MUC7: variants seen among roughly 807,000 people sequenced by gnomAD.
MUC7 encodes mucin 7, secreted, also known as mucin-7.
MUC7 carries 2 observed loss-of-function variants against 2.5 expected under a neutral mutation model. The ratio of observed to expected loss-of-function variants is 0.81; its 90% CI spans 0.33 to 2.55. The LOEUF is 2.55. MUC7 is among the 30% of genes most tolerant of loss of function. The pLI, the probability that MUC7 is intolerant of heterozygous loss-of-function variation, is 0.11. For synonymous variants in MUC7, 133 were observed against 173.4 expected, an observed-to-expected ratio of 0.77 and a Z score of 1.83; for missense variants, 408 against 455.6, an observed-to-expected ratio of 0.90 and a Z score of 0.95.
At chr4:70,440,719 A>T (rs1733980418) in intron 1 of MUC7, among the ~76,000 whole-genome samples, 2 of 152,220 alleles carry the variant, frequency 1.3e-5, no homozygotes, top group Non-Finnish European at 2.9e-5. Context: ...AAATATGTAT[A>T]TCTATTGGAC....
At chr4:70,447,607 T>C (rs190206168) in intron 1 of MUC7, among the ~76,000 whole-genome samples, 254 of 152,306 alleles carry the variant, frequency 1.7e-3, no homozygotes, top group Non-Finnish European at 3.1e-3. Context: ...ATTTTAAAAT[T>C]CTTTACATTA....
At chr4:70,431,889 C>T (rs970793871) in intron 1 of MUC7, among the ~76,000 whole-genome samples, 1 of 151,972 alleles carries the variant, frequency 6.6e-6, no homozygotes, top group Non-Finnish European at 1.5e-5. Flanking sequence ...TAATGCTATC[C>T]CTCCCCTCTG....
At position 70,481,044 on chromosome 4, in the gene MUC7, G is replaced by C. The variant is rs1577918334; in HGVS notation, c.300G>C (p.Val100=). The C allele has an allele frequency of 1.9e-6, 3 of 1,614,070 alleles. No individual in the cohort carries two copies. The African/African-American group carries it at 4.0e-5, about 22-fold the overall frequency. ...PPKHPDKNSS[V]VNPTLVATTQ... is the part of the protein sequence containing the mutation. ...AACATCCAGATAAAAATAGCAGTGT[G>C]GTCAACCCTACCTTAGTGGCTACAA... Residue 100 remains valine, a synonymous_variant, in exon 3 of 3, where the codon GTG becomes GTC. Coordinates refer to ENST00000304887, the MANE Select transcript of MUC7 (RefSeq NM_152291.3).
At chr4:70,456,106 T>C (rs1734403550) in intron 1 of MUC7, among the ~76,000 whole-genome samples, 1 of 152,194 alleles carries the variant, frequency 6.6e-6, no homozygotes, top group Non-Finnish European at 1.5e-5. Context: ...CCTGTCTTTT[T>C]CTCAGCCCTC....
chr4:70,430,644 T>G (rs1164794773), exon 1 of MUC7: 1 of 152,110 alleles, frequency 6.6e-6, no homozygotes, highest in African/African-American at 2.4e-5. Context: ...AGAATTCAAC[T>G]GACAAGTAGT....
intron 2 of MUC7, 22 bp downstream of exon 2, chr4:70,474,097 T>G: frequency 6.2e-7 from 1 of 1,606,844 alleles, no homozygotes; most frequent in Non-Finnish European, 8.5e-7. Context: ...CCCAAATAAG[T>G]TTTTTCCTTA....
rs1735218103 is a variant in MUC7 at position 70,482,133 on chromosome 4, G to A, written c.*255G>A. On this transcript the variant is annotated 3_prime_UTR_variant, in exon 3 of 3. Coordinates refer to ENST00000304887, the MANE Select transcript of MUC7 (RefSeq NM_152291.3). ...GATCCTACAGAGATAGCCTACTGAG[G>A]GCAAAGAAAGTCCTTAGATAAAGAG... The A allele has an allele frequency of 2.1e-6, 1 of 469,748 alleles. No homozygotes were observed. The highest frequency in any genetic ancestry group is 3.7e-5 in the East Asian group (1 of 27,016). 29.1% of individuals were successfully genotyped at this position (469,748 alleles called of 1,614,324 possible).
At chr4:70,442,483 T>C (rs898496974) in intron 1 of MUC7, among the ~76,000 whole-genome samples, 11 of 152,144 alleles carry the variant, frequency 7.2e-5, no homozygotes, top group African/African-American at 2.7e-4. Context: ...CAAATGTGTA[T>C]ACTCCAGGCC....
Position 70,472,298 on chromosome 4 carries a change from G to T in MUC7, c.-16+7G>T, listed in dbSNP as rs1415287615. 1 of 152,100 alleles carries T rather than the reference G, an allele frequency of 6.6e-6. No homozygotes were observed. Among genetic ancestry groups the T allele is most frequent in the African/African-American group, 2.4e-5 (1 of 41,416 alleles). The allele number at this position is 152,100 out of a possible 1,614,324, so 9.4% of individuals were successfully genotyped here. A position where few individuals can be genotyped will look rare whatever the true frequency, so the allele number is the denominator to read the frequency against. ...AAGATTCACACTGCACCAGGTATGT[G>T]GATACTTTAGATAGGTTCTAATATA... On this transcript the variant is annotated splice_region_variant and intron_variant, in intron 1 of 2. Coordinates refer to ENST00000304887, the MANE Select transcript of MUC7 (RefSeq NM_152291.3).
chr4:70,435,730 T>C (rs1446814756), intron 1 of MUC7, among the ~76,000 whole-genome samples: 1 of 152,250 alleles, frequency 6.6e-6, no homozygotes, highest in African/African-American at 2.4e-5. Context: ...ATGTGTGAAT[T>C]TGATCCTGTC....
chr4:70,453,821 G>A (rs1734351522), intron 1 of MUC7, among the ~76,000 whole-genome samples: 1 of 152,036 alleles, frequency 6.6e-6, no homozygotes, highest in African/African-American at 2.4e-5. Flanking sequence ...TATTGCTGCT[G>A]GTTATTCAGG....
intron 1 of MUC7, among the ~76,000 whole-genome samples, chr4:70,452,296 T>C (rs1734298716): frequency 6.6e-6 from 1 of 152,140 alleles, no homozygotes; most frequent in Non-Finnish European, 1.5e-5. Flanking sequence ...GCCATTTTGT[T>C]GTTTTCTGGT....
chr4:70,459,465 G>C (rs923243205), intron 1 of MUC7, among the ~76,000 whole-genome samples: 12 of 152,088 alleles, frequency 7.9e-5, no homozygotes, highest in African/African-American at 2.9e-4. Context: ...AGCATTAGGA[G>C]ATATACCTAA....
At chr4:70,450,787 G>A (rs1378812714) in intron 1 of MUC7, among the ~76,000 whole-genome samples, 1 of 152,124 alleles carries the variant, frequency 6.6e-6, no homozygotes, top group Non-Finnish European at 1.5e-5. Context: ...TCTGACCAAT[G>A]CCCTATCCTG....
chr4:70,460,748 C>A (rs2109726133), intron 1 of MUC7, among the ~76,000 whole-genome samples: 1 of 152,228 alleles, frequency 6.6e-6, no homozygotes, highest in South Asian at 2.1e-4. Context: ...GCTGCTATGG[C>A]CCTCAGGGTG....
intron 1 of MUC7, among the ~76,000 whole-genome samples, chr4:70,440,388 T>C (rs1268434114): frequency 1.3e-5 from 2 of 152,184 alleles, no homozygotes; most frequent in South Asian, 2.1e-4. Context: ...GCTCAACTTA[T>C]ACCGCATGAG....
chr4:70,432,045 G>A (rs1030023864), intron 1 of MUC7, among the ~76,000 whole-genome samples: 1 of 152,130 alleles, frequency 6.6e-6, no homozygotes, highest in Non-Finnish European at 1.5e-5. Context: ...ATGGTTTCCA[G>A]CTTCATCCAT....
chr4:70,444,831 C>T (rs1734088510), intron 1 of MUC7, among the ~76,000 whole-genome samples: 1 of 152,128 alleles, frequency 6.6e-6, no homozygotes, highest in African/African-American at 2.4e-5. Flanking sequence ...GTGGGCAGAT[C>T]ACCTGAGGTC....
intron 1 of MUC7, among the ~76,000 whole-genome samples, chr4:70,447,121 C>A (rs1200581370): frequency 6.6e-6 from 1 of 152,114 alleles, no homozygotes; most frequent in Non-Finnish European, 1.5e-5. Flanking sequence ...TCCAAACAAA[C>A]CATTTGAGAG....
Sources: gnomAD v4.1 joint callset for allele counts (sites outside exome capture counted in the v4.1 genomes callset) on GRCh38, gnomAD v4.1.1 for gene constraint, MANE v1.5 for transcripts, NCBI Gene and HGNC (gene_info 2026-07-23, HGNC 2026-07-21) for gene names.